Variants in FMN2 observed in about 807,000 individuals in gnomAD.
FMN2 encodes formin 2.
FMN2 carries 51 observed loss-of-function variants against 142.3 expected under a neutral mutation model. The observed-to-expected ratio is 0.36, with a 90% CI of 0.29 to 0.45. The LOEUF (loss-of-function observed/expected upper bound fraction) is 0.45, where lower values mean the gene tolerates loss of function less well. Ranked by LOEUF, FMN2 falls within the 20% of genes least tolerant of loss-of-function variation. The pLI is 1.00. For synonymous variants in FMN2, 882 were observed against 869.8 expected, an observed-to-expected ratio of 1.01 and a Z score of -0.25; for missense variants, 1,936 against 2,122.8, an observed-to-expected ratio of 0.91 and a Z score of 1.73.
intron 16 of FMN2, among the ~76,000 whole-genome samples, chr1:240,448,774 T>C (rs1675907722): frequency 1.3e-5 from 2 of 152,022 alleles, no homozygotes; most frequent in Admixed American, 6.6e-5. Context: ...TGAGCCATGA[T>C]TGTGCCACTG....
chr1:240,373,106 C>A (rs1672927370), intron 14 of FMN2, among the ~76,000 whole-genome samples: 1 of 152,102 alleles, frequency 6.6e-6, no homozygotes, highest in Admixed American at 6.5e-5. Context: ...ATCGCTTGAA[C>A]CCAGGAGGTG....
Position 240,219,448 on chromosome 1 carries a change from C to G in FMN2, c.4065+8213C>G, listed in dbSNP as rs12086278. Among the ~76,000 whole-genome samples, 1,046 of 152,200 alleles carry G rather than the reference C, an allele frequency of 6.9e-3. 13 individuals carry two copies. The highest frequency in any genetic ancestry group is 0.021 in the African/African-American group (864 of 41,524). On this transcript the variant is annotated intron_variant, in intron 6 of 17. Coordinates refer to ENST00000319653, the MANE Select transcript of FMN2 (RefSeq NM_020066.5). The stretch of plus-strand genomic sequence containing the variant: ...AAGGGATGCTGGTGATGACACTAGT[C>G]AGATTATTCACAACCAAACTTCGTG...
chr1:240,400,168 T>A (rs1040277412), intron 15 of FMN2, among the ~76,000 whole-genome samples: 10 of 152,076 alleles, frequency 6.6e-5, no homozygotes, highest in African/African-American at 2.2e-4. Flanking sequence ...CCTTTTGGGA[T>A]CATAATCAAT....
Position 240,093,122 on chromosome 1 carries a change from C to T in FMN2, c.1013C>T (p.Pro338Leu), listed in dbSNP as rs1038601475. 2.9e-6 allele frequency: 4 copies of T among 1,396,608 alleles called. No homozygotes were observed. The highest frequency in any genetic ancestry group is 2.9e-5 in the East Asian group (1 of 34,494). 86.5% of individuals were successfully genotyped at this position (1,396,608 alleles called of 1,614,324 possible). ...CCGGGGGAGGAAGCGGCCGGAGCCCCCGTGCGAGGGGCTGGGGACACGGAT... is the reference window on the plus strand; with the variant it reads ...CCGGGGGAGGAAGCGGCCGGAGCCCTCGTGCGAGGGGCTGGGGACACGGAT... ...AGPGEEAAGA[P>L]VRGAGDTDEE... The change falls in exon 1 of 18, where the codon CCC becomes CTC. Residue 338 changes from proline to leucine, a missense_variant. Coordinates refer to ENST00000319653, the MANE Select transcript of FMN2 (RefSeq NM_020066.5).
Position 240,092,740 on chromosome 1 carries a change from C to A in FMN2, c.631C>A (p.Gln211Lys). 1 of 1,612,968 alleles carries A rather than the reference C, an allele frequency of 6.2e-7. No individual in the cohort carries two copies. The highest frequency in any genetic ancestry group is 1.3e-5 in the African/African-American group (1 of 75,028). Reference sequence around the variant, plus strand: ...GATCCGCCTGCAGCAGCAGCAGCAGCAGCAGCTCCAGCTCCAGCTCCAGCA... The same window carrying A: ...GATCCGCCTGCAGCAGCAGCAGCAGAAGCAGCTCCAGCTCCAGCTCCAGCA... Reference protein sequence around the residue: ...QAIRLQQQQQQQLQLQLQQQQ... With the variant: ...QAIRLQQQQQKQLQLQLQQQQ... Residue 211 changes from glutamine (Q) to lysine (K), a missense_variant, in exon 1 of 18, where the codon CAG (glutamine) becomes AAG (lysine). Coordinates refer to ENST00000319653, the MANE Select transcript of FMN2 (RefSeq NM_020066.5).
chr1:240,440,349 A>G (rs1326752650), intron 16 of FMN2, among the ~76,000 whole-genome samples: 2 of 152,192 alleles, frequency 1.3e-5, no homozygotes, highest in South Asian at 2.1e-4. Flanking sequence ...TCAGAGTCCC[A>G]TCTAACACAT....
At chr1:240,333,785 T>C (rs1671464106) in intron 11 of FMN2, 102 bp from the exon 12 acceptor site, 1 of 814,070 alleles carries the variant, frequency 1.2e-6, no homozygotes, top group Non-Finnish European at 1.9e-6. Context: ...ATTCCAAATG[T>C]TCTCATGTAT....
At chr1:240,412,835 C>G (rs1674443996) in intron 15 of FMN2, among the ~76,000 whole-genome samples, 1 of 151,868 alleles carries the variant, frequency 6.6e-6, no homozygotes, top group Non-Finnish European at 1.5e-5. Flanking sequence ...GATTAAGAAA[C>G]AGTAGGCCTG....
intron 2 of FMN2, among the ~76,000 whole-genome samples, chr1:240,128,271 T>A (rs2103228289): frequency 6.6e-6 from 1 of 152,314 alleles, no homozygotes; most frequent in African/African-American, 2.4e-5. Flanking sequence ...GAGATCCCTT[T>A]TTTTGGGTCA....
intron 11 of FMN2, among the ~76,000 whole-genome samples, chr1:240,333,300 G>C (rs965780184): frequency 2.0e-5 from 3 of 152,068 alleles, no homozygotes; most frequent in Non-Finnish European, 2.9e-5. Flanking sequence ...ATAACCACAT[G>C]AGTGTTAACT....
chr1:240,293,663 G>T (rs1274412375), intron 7 of FMN2, among the ~76,000 whole-genome samples: 6 of 152,032 alleles, frequency 3.9e-5, no homozygotes, highest in African/African-American at 1.4e-4. Flanking sequence ...ATTTGTCTGA[G>T]ACTCTTACTC....
At chr1:240,362,311 T>C (rs1672514107) in intron 14 of FMN2, among the ~76,000 whole-genome samples, 1 of 152,180 alleles carries the variant, frequency 6.6e-6, no homozygotes, top group South Asian at 2.1e-4. Context: ...ACATATGTGA[T>C]GGTTTTGTTT....
chr1:240,103,429 A>G (rs1428922549), intron 1 of FMN2, among the ~76,000 whole-genome samples: 8 of 152,178 alleles, frequency 5.3e-5, no homozygotes, highest in Non-Finnish European at 1.0e-4. Context: ...CTTAGACATC[A>G]CAAGCCTAGG....
rs574436428 is a variant in FMN2 at position 240,193,376 on chromosome 1, C to T, written c.1986+5114C>T. ...TAGAAGAACATACCTCTTTCACGTA[C>T]ATGAAATGATTTGCGAGATGCAATG... is the stretch of plus-strand genomic sequence containing the variant. On this transcript the variant is annotated intron_variant, in intron 4 of 17. Coordinates refer to ENST00000319653, the MANE Select transcript of FMN2 (RefSeq NM_020066.5). Among the ~76,000 whole-genome samples, 2 of 152,248 alleles carry T rather than the reference C, an allele frequency of 1.3e-5. 1 individual carries two copies. The highest frequency in any genetic ancestry group is 4.1e-4 in the South Asian group (2 of 4,830).
intron 1 of FMN2, among the ~76,000 whole-genome samples, chr1:240,120,698 A>AGG (rs905306831): frequency 2.0e-5 from 3 of 152,226 alleles, no homozygotes; most frequent in Admixed American, 6.5e-5. Flanking sequence ...AGAGCATGGA[A>AGG]GGGGATTACT....
chr1:240,306,434 CCTT>C (rs1431439991), intron 8 of FMN2, among the ~76,000 whole-genome samples: 2 of 152,166 alleles, frequency 1.3e-5, no homozygotes, highest in African/African-American at 4.8e-5. Flanking sequence ...CTCCCTCCCT[CCTT>C]TTGGAGTCCC....
intron 7 of FMN2, among the ~76,000 whole-genome samples, chr1:240,270,577 T>A (rs527503909): frequency 1.6e-4 from 24 of 152,080 alleles, no homozygotes; most frequent in Non-Finnish European, 3.4e-4. Flanking sequence ...ACAAGAGCCA[T>A]GAAATGGAAA....
At chr1:240,188,587 G>C (rs904664393) in intron 4 of FMN2, among the ~76,000 whole-genome samples, 3 of 152,282 alleles carry the variant, frequency 2.0e-5, no homozygotes, top group Middle Eastern at 3.4e-3. Flanking sequence ...AGATGTGCCT[G>C]CTCAAACAGT....
At chr1:240,468,401 C>T (rs1411584376) in intron 16 of FMN2, among the ~76,000 whole-genome samples, 4 of 149,542 alleles carry the variant, frequency 2.7e-5, no homozygotes, top group African/African-American at 7.5e-5. Flanking sequence ...TCCATAGACC[C>T]CCACCAGGAT....
Sources: gnomAD v4.1 joint callset for allele counts (sites outside exome capture counted in the v4.1 genomes callset) on GRCh38, gnomAD v4.1.1 for gene constraint, MANE v1.5 for transcripts, NCBI Gene and HGNC (gene_info 2026-07-23, HGNC 2026-07-21) for gene names.